TMC7: variants seen among roughly 807,000 people sequenced by gnomAD.
TMC7 encodes transmembrane channel-like protein 7.
Under a neutral mutation model 82.9 loss-of-function variants are expected in TMC7, and 54 were observed. The observed-to-expected ratio is 0.65, with a 90% confidence interval of 0.52 to 0.82. The LOEUF is 0.82. Among genes scored for constraint, TMC7 ranks in the 40% least tolerant of loss-of-function variants. The pLI, the probability that TMC7 is intolerant of heterozygous loss-of-function variation, is 0.00. For missense variants in TMC7, 820 were observed against 901.2 expected (o/e 0.91, Z 1.15); for synonymous variants, 350 against 337.9 (o/e 1.04, Z -0.39).
intron 1 of TMC7, among the ~76,000 whole-genome samples, chr16:18,995,278 G>A (rs927616020): frequency 2.0e-5 from 3 of 152,122 alleles, no homozygotes; most frequent in African/African-American, 7.2e-5. Flanking sequence ...AATGTGGAGT[G>A]GGTAGCCTCC....
chr16:18,985,741 G>C (rs1286547363), intron 1 of TMC7, among the ~76,000 whole-genome samples: 2 of 150,320 alleles, frequency 1.3e-5, no homozygotes, highest in Non-Finnish European at 3.0e-5. Flanking sequence ...CAACATTGGT[G>C]GGAGGCTCAG....
At chr16:19,053,080 T>C (rs1961609964) in intron 13 of TMC7, among the ~76,000 whole-genome samples, 1 of 152,176 alleles carries the variant, frequency 6.6e-6, no homozygotes, top group Non-Finnish European at 1.5e-5. Context: ...TATGATAATA[T>C]ACATTATATA....
intron 1 of TMC7, among the ~76,000 whole-genome samples, chr16:18,985,723 G>C (rs1037358529): frequency 8.7e-6 from 1 of 114,956 alleles, no homozygotes; most frequent in Non-Finnish European, 1.8e-5. Context: ...TTTTGATCTT[G>C]TACCCACCAA....
chr16:19,037,401 A>G lies in TMC7; in HGVS notation c.1006-473A>G, dbSNP rs866277488. On this transcript the variant is annotated intron_variant, in intron 7 of 15. Transcript: ENST00000304381. ...GACTCTGTCTCAAAAAAAAAAAAAA[A>G]AAGAAAGAAAAAAAGTAGTTGGGCT... Among the ~76,000 whole-genome samples the G allele has an allele frequency of 6.6e-4, 78 of 118,046 alleles. 2 individuals are homozygous for G. The highest frequency in any genetic ancestry group is 0.012 in the Middle Eastern group (2 of 166). 77.4% of individuals were successfully genotyped at this position (118,046 alleles called of 152,430 possible).
rs948876178 is a variant in TMC7, at chr16:19,042,476, C to T, written c.1337+2030C>T. Among the ~76,000 whole-genome samples, 3 of 150,940 alleles carry T rather than the reference C, an allele frequency of 2.0e-5. No homozygotes were observed. In the East Asian group the frequency reaches 5.9e-4, roughly 30 times the overall value. The stretch of plus-strand genomic sequence containing the variant: ...AGGCTTATGAGCCACCATGCCCAGT[C>T]TCCCTTATTCTTTAAATTATTCCTT... On this transcript the variant is annotated intron_variant, in intron 9 of 15. Transcript: ENST00000304381.
intron 1 of TMC7, among the ~76,000 whole-genome samples, chr16:19,000,504 C>A (rs112584524): frequency 4.6e-5 from 7 of 152,092 alleles, no homozygotes; most frequent in African/African-American, 1.7e-4. Flanking sequence ...AAAAACAATT[C>A]AAGTGAAAAG....
chr16:19,039,985 G>A (rs1286924526), intron 8 of TMC7, among the ~76,000 whole-genome samples: 1 of 151,704 alleles, frequency 6.6e-6, no homozygotes, highest in Non-Finnish European at 1.5e-5. Context: ...GCATGGTGGG[G>A]GGTGCCTGTA....
chr16:19,059,337 G>A (rs1450747355), intron 14 of TMC7, 79 bp from the exon 15 acceptor site: 3 of 1,564,000 alleles, frequency 1.9e-6, no homozygotes, highest in Non-Finnish European at 1.7e-6. Flanking sequence ...CTGTTCCAAG[G>A]AAAAATATGT....
At chr16:19,001,309 G>T in intron 1 of TMC7, among the ~76,000 whole-genome samples, 1 of 152,130 alleles carries the variant, frequency 6.6e-6, no homozygotes, top group East Asian at 1.9e-4. Context: ...TGGTAATTCA[G>T]CAGTGACAGA....
At chr16:19,015,153 G>A (rs960461643) in intron 2 of TMC7, among the ~76,000 whole-genome samples, 2 of 151,778 alleles carry the variant, frequency 1.3e-5, no homozygotes, top group East Asian at 3.9e-4. Context: ...CAGTAGAGAC[G>A]GGGTTTCGCC....
At chr16:19,054,312 A>T (rs1458280762) in intron 13 of TMC7, among the ~76,000 whole-genome samples, 1 of 152,120 alleles carries the variant, frequency 6.6e-6, no homozygotes, top group Non-Finnish European at 1.5e-5. Context: ...GGATGTCCCA[A>T]TTGTTAACAT....
At chr16:19,011,678 A>G (rs1417268239) in intron 2 of TMC7, among the ~76,000 whole-genome samples, 1 of 152,116 alleles carries the variant, frequency 6.6e-6, no homozygotes, top group Non-Finnish European at 1.5e-5. Context: ...TGATTCTGCC[A>G]CTACCCTCCA....
chr16:19,013,158 C>G (rs1035649452), intron 2 of TMC7, among the ~76,000 whole-genome samples: 1 of 151,706 alleles, frequency 6.6e-6, no homozygotes, highest in Non-Finnish European at 1.5e-5. Context: ...ATTCTAAGCT[C>G]TTTATTTCCT....
intron 1 of TMC7, among the ~76,000 whole-genome samples, chr16:18,987,049 C>T (rs2038864006): frequency 1.3e-5 from 2 of 152,130 alleles, no homozygotes; most frequent in South Asian, 4.1e-4. Context: ...TCGTGATCCG[C>T]CCGCCTGGGC....
rs377725534 is a variant in TMC7, at chr16:19,047,280, T to C, written c.1740+31T>C. On this transcript the variant is annotated intron_variant, in intron 12 of 15. Transcript: ENST00000304381. ...GAGCCGGTGGGAATGGGGGCTCATA[T>C]ACTGGGCCATTTTCGACCTTCCAGG... is the stretch of plus-strand genomic sequence containing the variant. The C allele has an allele frequency of 2.5e-6, 4 of 1,598,486 alleles. No homozygotes were observed. The African/African-American group carries it at 4.0e-5, about 16-fold the overall frequency.
intron 2 of TMC7, among the ~76,000 whole-genome samples, chr16:19,013,528 T>G (rs980215094): frequency 6.6e-6 from 1 of 151,654 alleles, no homozygotes; most frequent in Non-Finnish European, 1.5e-5. Context: ...ATTTTATTTA[T>G]TTTTTTTGAG....
chr16:18,999,873 C>G (rs1031722556), intron 1 of TMC7, among the ~76,000 whole-genome samples: 5 of 152,116 alleles, frequency 3.3e-5, no homozygotes, highest in African/African-American at 1.2e-4. Flanking sequence ...ACGCCATTCT[C>G]CTGCCTCAGC....
At chr16:19,017,884 A>T (rs1165972912) in intron 3 of TMC7, among the ~76,000 whole-genome samples, 1 of 151,572 alleles carries the variant, frequency 6.6e-6, no homozygotes, top group Non-Finnish European at 1.5e-5. Context: ...GTTAGCCAGG[A>T]TGGTCTTGAT....
At chr16:19,059,852 C>CT (rs1961929212) in intron 15 of TMC7, 2 of 558,318 alleles carry the variant, frequency 3.6e-6, no homozygotes, top group African/African-American at 3.8e-5. Context: ...TGGTGGGCAC[C>CT]TGTAATCCCA....
Sources: allele counts gnomAD v4.1 joint callset (sites outside exome capture counted in the v4.1 genomes callset), GRCh38; gene constraint gnomAD v4.1.1; transcripts MANE v1.5; gene names NCBI Gene and HGNC (gene_info 2026-07-23, HGNC 2026-07-21).